Variants in NGF observed in about 807,000 individuals in gnomAD.
The protein encoded by NGF is beta-nerve growth factor.
A neutral mutation model predicts 12.8 loss-of-function variants in NGF; 4 were observed. The observed-to-expected ratio is 0.31, with a 90% confidence interval of 0.15 to 0.72. The LOEUF is 0.72. Ranked by LOEUF, NGF falls within the 30% of genes least tolerant of loss-of-function variation. The pLI, the probability that NGF is intolerant of heterozygous loss-of-function variation, is 0.69. For synonymous variants in NGF, 140 were observed against 130.0 expected, an observed-to-expected ratio of 1.08 and a Z score of -0.52; for missense variants, 283 against 330.8, an observed-to-expected ratio of 0.86 and a Z score of 1.12.
chr1:115,324,647 A>G (rs1654724091), intron 1 of NGF, among the ~76,000 whole-genome samples: 1 of 152,142 alleles, frequency 6.6e-6, no homozygotes, highest in Middle Eastern at 3.2e-3. Flanking sequence ...TGTCTCTACA[A>G]GAGGGCTACT....
At chr1:115,337,771 C>A (rs1362791544) in intron 1 of NGF, among the ~76,000 whole-genome samples, 1 of 152,104 alleles carries the variant, frequency 6.6e-6, no homozygotes, top group African/African-American at 2.4e-5. Context: ...GCTCTGCGCT[C>A]CCCCCGCGGT....
intron 2 of NGF, among the ~76,000 whole-genome samples, chr1:115,292,214 C>T (rs373607939): frequency 2.0e-5 from 3 of 151,962 alleles, no homozygotes; most frequent in African/African-American, 7.3e-5. Flanking sequence ...TCAGAGGTGT[C>T]CTGGGGTGGG....
intron 1 of NGF, among the ~76,000 whole-genome samples, chr1:115,320,873 A>G (rs1013157663): frequency 6.6e-6 from 1 of 152,202 alleles, no homozygotes; most frequent in African/African-American, 2.4e-5. Flanking sequence ...AGTGTGGCCA[A>G]TTCCAGGTTA....
At chr1:115,330,873 T>C (rs1484672215) in intron 1 of NGF, among the ~76,000 whole-genome samples, 2 of 152,148 alleles carry the variant, frequency 1.3e-5, no homozygotes, top group East Asian at 3.9e-4. Context: ...CTGGAGTACT[T>C]CTCCTTACTG....
chr1:115,290,570 A>G (rs1264291152), intron 2 of NGF, among the ~76,000 whole-genome samples: 2 of 149,762 alleles, frequency 1.3e-5, no homozygotes, highest in African/African-American at 2.5e-5. Context: ...TAATTTTTCT[A>G]TTTTTTGCAG....
chr1:115,327,542 A>G (rs1344637024), intron 1 of NGF, among the ~76,000 whole-genome samples: 3 of 152,256 alleles, frequency 2.0e-5, no homozygotes, highest in Non-Finnish European at 4.4e-5. Context: ...ACACTCTTGA[A>G]CACAGGTGAA....
At chr1:115,294,234 C>G (rs1653793590) in intron 1 of NGF, among the ~76,000 whole-genome samples, 2 of 152,178 alleles carry the variant, frequency 1.3e-5, no homozygotes, top group South Asian at 4.1e-4. Context: ...ACAAATAAGA[C>G]AGACTGACCA....
At chr1:115,305,553 T>C (rs1031001689) in intron 1 of NGF, among the ~76,000 whole-genome samples, 1 of 152,360 alleles carries the variant, frequency 6.6e-6, no homozygotes, top group East Asian at 1.9e-4. Context: ...TGAACATACC[T>C]GATTGCTTTT....
intron 1 of NGF, among the ~76,000 whole-genome samples, chr1:115,298,656 A>G (rs1384657919): frequency 6.6e-6 from 1 of 151,940 alleles, no homozygotes; most frequent in Non-Finnish European, 1.5e-5. Flanking sequence ...ACATGGGAGG[A>G]CTGGTCCCAG....
intron 1 of NGF, among the ~76,000 whole-genome samples, chr1:115,302,229 T>C (rs1289804187): frequency 6.6e-6 from 1 of 152,232 alleles, no homozygotes; most frequent in Non-Finnish European, 1.5e-5. Flanking sequence ...TTTGGCTATG[T>C]AGTGTTTTAT....
At chr1:115,333,737 T>C (rs1655018837) in intron 1 of NGF, among the ~76,000 whole-genome samples, 1 of 121,532 alleles carries the variant, frequency 8.2e-6, no homozygotes, top group East Asian at 2.7e-4. Flanking sequence ...CTTCTTTCTT[T>C]CTTTCTTCCT....
At chr1:115,337,267 G>GTTTGTTTGTTTGTTTTTTTTTTTTTT in intron 1 of NGF, among the ~76,000 whole-genome samples, 2 of 81,030 alleles carry the variant, frequency 2.5e-5, no homozygotes, top group East Asian at 3.7e-4. Flanking sequence ...TTTTGTTTTT[G>GTTTGTTTGTTTGTTTTTTTTTTTTTT]TTTTTTTTTT....
intron 1 of NGF, among the ~76,000 whole-genome samples, chr1:115,333,012 T>C (rs773461449): frequency 2.2e-4 from 33 of 152,168 alleles, no homozygotes; most frequent in Non-Finnish European, 3.5e-4. Context: ...AAGTGAGACA[T>C]GCAAGTCACT....
At chr1:115,328,549 C>T (rs546831500) in intron 1 of NGF, among the ~76,000 whole-genome samples, 64 of 152,292 alleles carry the variant, frequency 4.2e-4, no homozygotes, top group African/African-American at 1.4e-3. Context: ...CCTGGAGCCT[C>T]GCTCAGGAGA....
chr1:115,321,741 T>TGACA (rs777708879), intron 1 of NGF, among the ~76,000 whole-genome samples: 2 of 152,166 alleles, frequency 1.3e-5, no homozygotes, highest in Non-Finnish European at 2.9e-5. Context: ...AGAATCTGCC[T>TGACA]GACAGCCAGC....
intron 1 of NGF, among the ~76,000 whole-genome samples, chr1:115,306,381 C>T (rs933135144): frequency 6.6e-6 from 1 of 152,206 alleles, no homozygotes; most frequent in Non-Finnish European, 1.5e-5. Flanking sequence ...GCTTCATGCT[C>T]TCAGCAGTGA....
intron 1 of NGF, among the ~76,000 whole-genome samples, chr1:115,329,914 C>A (rs993561252): frequency 6.6e-6 from 1 of 151,804 alleles, no homozygotes; most frequent in African/African-American, 2.4e-5. Flanking sequence ...CCATGCCTGG[C>A]TAATTTTTTT....
chr1:115,308,955 A>G (rs1024079458), intron 1 of NGF, among the ~76,000 whole-genome samples: 5 of 147,776 alleles, frequency 3.4e-5, no homozygotes, highest in African/African-American at 1.3e-4. Flanking sequence ...AAATTTGGTT[A>G]TAGTTCAAAG....
intron 1 of NGF, among the ~76,000 whole-genome samples, chr1:115,316,416 G>A (rs977284804): frequency 6.6e-6 from 1 of 151,672 alleles, no homozygotes; most frequent in African/African-American, 2.4e-5. Flanking sequence ...TTGTCCACTT[G>A]TTTTTTTTGC....
Sources: allele counts gnomAD v4.1 joint callset (sites outside exome capture counted in the v4.1 genomes callset), GRCh38; gene constraint gnomAD v4.1.1; transcripts MANE v1.5; gene names NCBI Gene and HGNC (gene_info 2026-07-23, HGNC 2026-07-21).